The following LRRC1 variants were observed in gnomAD, a reference collection of about 807,000 sequenced individuals.
LRRC1 encodes the protein leucine rich repeat containing 1, also known as leucine-rich repeat-containing protein 1.
A neutral mutation model predicts 69.9 loss-of-function variants in LRRC1; 28 were observed. That is an observed-to-expected ratio of 0.40 (90% CI 0.30 to 0.55). The LOEUF is 0.55. LRRC1 is among the 20% of genes least tolerant of loss of function. The pLI, the probability that LRRC1 is intolerant of heterozygous loss-of-function variation, is 0.47. For missense variants in LRRC1, 498 were observed against 609.0 expected (o/e 0.82, Z 1.92); for synonymous variants, 236 against 240.2 (o/e 0.98, Z 0.16).
rs1165778930 is a variant in LRRC1 at position 53,842,176 on chromosome 6, C to T, written c.226C>T (p.Pro76Ser). 6.2e-7 allele frequency: 1 copy of T among 1,614,050 alleles called. No homozygotes were observed. The highest frequency in any genetic ancestry group is 1.7e-5 in the Admixed American group (1 of 60,012). ...LSDNEIQRLP[P>S]EIANFMQLVE... is the part of the protein sequence containing the mutation. ...TGATAATGAAATTCAGCGGCTCCCT[C>T]CAGAAATAGCAAACTTCATGCAGCT... Residue 76 changes from proline (P) to serine (S), a missense_variant, in exon 2 of 14, where the codon CCA (proline) becomes TCA (serine). Pro to Ser is a moderately conservative substitution (Grantham distance 74). Transcript: ENST00000370888.
In LRRC1 at chr6:53,913,921, A is replaced by C; in HGVS notation, c.1058A>C (p.Glu353Ala). 6.2e-7 allele frequency: 1 copy of C among 1,612,798 alleles called. No homozygotes were observed. Among genetic ancestry groups the C allele is most frequent in the Non-Finnish European group, 8.5e-7 (1 of 1,178,956 alleles). ...RDNRLTRIPA[E>A]VSQATELHVL... is the part of the protein sequence containing the mutation. ...AACAGACTAACTCGGATACCTGCAG[A>C]GGTGTCACAGGCAACAGAACTTCAT... The change falls in exon 11 of 14, where the codon GAG becomes GCG. Residue 353 changes from glutamate to alanine, a missense_variant. Transcript: ENST00000370888.
At position 53,884,347 on chromosome 6, in the gene LRRC1, CA is replaced by C. The variant is rs533605482; in HGVS notation, c.446+1381del. ...TGACGATAACCCATCTCTACAAAAA[CA>C]AAAAAAAAATTAGCTGGGCCTGGTG... is the stretch of plus-strand genomic sequence containing the variant. On this transcript the variant is annotated intron_variant, in intron 4 of 13. Coordinates refer to ENST00000370888, the MANE Select transcript of LRRC1 (RefSeq NM_018214.5). Among the ~76,000 whole-genome samples, 211 of 147,744 alleles carry C rather than the reference CA, an allele frequency of 1.4e-3. 1 individual carries two copies. In the Middle Eastern group the frequency reaches 0.021, roughly 14 times the overall value.
intron 2 of LRRC1, among the ~76,000 whole-genome samples, chr6:53,851,707 ACACACACACATGCG>A (rs1292185619): frequency 6.6e-6 from 1 of 151,380 alleles, no homozygotes; most frequent in African/African-American, 2.5e-5. Context: ...GATACCACAG[ACACACACACATGCG>A]CACACACACA....
At chr6:53,876,854 A>G (rs751538308) in intron 2 of LRRC1, among the ~76,000 whole-genome samples, 3 of 152,044 alleles carry the variant, frequency 2.0e-5, no homozygotes, top group Non-Finnish European at 4.4e-5. Context: ...TGGCTTTTCC[A>G]GGTGCACAGT....
chr6:53,881,560 G>A lies in LRRC1; in HGVS notation c.357-1327G>A, dbSNP rs150558979. 4.4e-3 allele frequency among the ~76,000 whole-genome samples: 669 copies of A among 152,252 alleles called. 4 individuals are homozygous for A. The highest frequency in any genetic ancestry group is 0.015 in the African/African-American group (630 of 41,544). ...CCTGTTCCTCAGAACAAATTCCAGT[G>A]ATTATAAATATTCCAGTTAATACCC... On this transcript the variant is annotated intron_variant, in intron 3 of 13. Coordinates refer to ENST00000370888, the MANE Select transcript of LRRC1 (RefSeq NM_018214.5).
chr6:53,881,825 A>G (rs1487868538), intron 3 of LRRC1, among the ~76,000 whole-genome samples: 1 of 152,216 alleles, frequency 6.6e-6, no homozygotes, highest in Non-Finnish European at 1.5e-5. Flanking sequence ...TTTAGATGCA[A>G]TGAGATCCTT....
At chr6:53,796,348 A>C (rs987109050) in intron 1 of LRRC1, among the ~76,000 whole-genome samples, 1 of 152,158 alleles carries the variant, frequency 6.6e-6, no homozygotes, top group Admixed American at 6.5e-5. Context: ...TAGCTAGAGT[A>C]ACCCCTCGGG....
chr6:53,918,220 T>A (rs1359482629), intron 11 of LRRC1, among the ~76,000 whole-genome samples: 2 of 152,244 alleles, frequency 1.3e-5, no homozygotes, highest in Non-Finnish European at 2.9e-5. Context: ...TTCTCGTGGA[T>A]GCACTGGCTT....
chr6:53,919,169 C>T lies in LRRC1; in HGVS notation c.1107-329C>T, dbSNP rs369731660. ...GTCCTTCCAAAATCACCTTGACTTT[C>T]TCTCTTTACATTGAAACCTAGTACA... is the stretch of plus-strand genomic sequence containing the variant. On this transcript the variant is annotated intron_variant, in intron 11 of 13. Coordinates refer to ENST00000370888, the MANE Select transcript of LRRC1 (RefSeq NM_018214.5). The T allele has an allele frequency of 2.7e-4, 43 of 160,640 alleles. No homozygotes were observed. In the East Asian group the frequency reaches 2.9e-3, roughly 11 times the overall value. 10.0% of individuals were successfully genotyped at this position (160,640 alleles called of 1,614,324 possible).
chr6:53,817,792 C>G (rs1180464335), intron 1 of LRRC1, among the ~76,000 whole-genome samples: 2 of 152,084 alleles, frequency 1.3e-5, no homozygotes, highest in Non-Finnish European at 2.9e-5. Flanking sequence ...GTTCTCCTTG[C>G]TGCAGATTGC....
intron 1 of LRRC1, among the ~76,000 whole-genome samples, chr6:53,815,138 G>T (rs999871057): frequency 6.6e-6 from 1 of 151,486 alleles, no homozygotes; most frequent in South Asian, 2.1e-4. Flanking sequence ...TGGGGTGGGG[G>T]TGGGGGTCAT....
intron 2 of LRRC1, among the ~76,000 whole-genome samples, chr6:53,860,896 C>T (rs1766480727): frequency 6.6e-6 from 1 of 152,146 alleles, no homozygotes; most frequent in Admixed American, 6.5e-5. Flanking sequence ...ATGGACGGAG[C>T]TGGAGGCCAC....
intron 1 of LRRC1, among the ~76,000 whole-genome samples, chr6:53,809,843 G>A (rs960631621): frequency 1.3e-5 from 2 of 151,918 alleles, no homozygotes; most frequent in African/African-American, 2.4e-5. Flanking sequence ...TAATGAAACA[G>A]GTATTTAGTT....
At chr6:53,915,296 G>C (rs979858269) in intron 11 of LRRC1, among the ~76,000 whole-genome samples, 1 of 152,204 alleles carries the variant, frequency 6.6e-6, no homozygotes, top group African/African-American at 2.4e-5. Flanking sequence ...ATAAACAGCA[G>C]TTCTCAGCTG....
chr6:53,821,280 A>G (rs1765108309), intron 1 of LRRC1, among the ~76,000 whole-genome samples: 1 of 152,216 alleles, frequency 6.6e-6, no homozygotes. Context: ...ACAGAGCTGC[A>G]TATGACTTTT....
intron 2 of LRRC1, among the ~76,000 whole-genome samples, chr6:53,870,744 T>C (rs572570603): frequency 7.9e-5 from 12 of 152,196 alleles, no homozygotes; most frequent in Non-Finnish European, 1.8e-4. Context: ...TTATTCCTCT[T>C]ATCTTACTGT....
intron 11 of LRRC1, among the ~76,000 whole-genome samples, chr6:53,916,987 C>T (rs1206043600): frequency 1.3e-5 from 2 of 152,114 alleles, no homozygotes; most frequent in African/African-American, 4.8e-5. Context: ...GCATGTGGTC[C>T]TAAATAGAAC....
intron 1 of LRRC1, among the ~76,000 whole-genome samples, chr6:53,802,451 T>C (rs911769315): frequency 2.6e-5 from 4 of 152,160 alleles, no homozygotes; most frequent in African/African-American, 4.8e-5. Flanking sequence ...CTTCATAAAT[T>C]TGTGGGACGC....
Position 53,795,251 on chromosome 6 carries a change from G to A in LRRC1, c.-6G>A. 1 of 1,601,364 alleles carries A rather than the reference G, an allele frequency of 6.2e-7. No homozygotes were observed. Among genetic ancestry groups the A allele is most frequent in the Non-Finnish European group, 8.5e-7 (1 of 1,176,152 alleles). On this transcript the variant is annotated 5_prime_UTR_variant, in exon 1 of 14. Transcript: ENST00000370888. ...GGGACCCGGCTAGGCGGCGGCGGGG[G>A]CGGCGATGTTCCACTGCATCCCCCT...
Sources: gnomAD v4.1 joint callset for allele counts (sites outside exome capture counted in the v4.1 genomes callset) on GRCh38, gnomAD v4.1.1 for gene constraint, MANE v1.5 for transcripts, NCBI Gene and HGNC (gene_info 2026-07-23, HGNC 2026-07-21) for gene names.